The following ZNF407 variants were observed in gnomAD, a reference collection of about 807,000 sequenced individuals.
ZNF407 encodes the protein zinc finger protein 407.
ZNF407 carries 17 observed loss-of-function variants against 131.2 expected under a neutral mutation model. That is an observed-to-expected ratio of 0.13 (90% CI 0.09 to 0.19). The LOEUF (loss-of-function observed/expected upper bound fraction) is 0.19, where lower values mean the gene tolerates loss of function less well. ZNF407 is among the 10% of genes least tolerant of loss of function. The pLI is 1.00. For missense variants in ZNF407, 2,681 were observed against 2,830.6 expected (o/e 0.95, Z 1.20); for synonymous variants, 1,156 against 1,062.0 (o/e 1.09, Z -1.72).
chr18:75,003,622 A>G (rs1972873059), intron 8 of ZNF407, among the ~76,000 whole-genome samples: 1 of 152,246 alleles, frequency 6.6e-6, no homozygotes, highest in Admixed American at 6.5e-5. Flanking sequence ...CCAGGAAAAC[A>G]AACTTTTACG....
intron 3 of ZNF407, among the ~76,000 whole-genome samples, chr18:74,717,505 C>A (rs886992300): frequency 1.3e-5 from 2 of 152,226 alleles, no homozygotes; most frequent in Admixed American, 6.5e-5. Flanking sequence ...GTATACAGAT[C>A]TAAAAACAAT....
At chr18:74,888,430 T>G (rs1234169768) in intron 6 of ZNF407, among the ~76,000 whole-genome samples, 1 of 152,154 alleles carries the variant, frequency 6.6e-6, no homozygotes, top group East Asian at 1.9e-4. Flanking sequence ...ATCAAATCAA[T>G]GTAACATTAT....
chr18:75,037,947 A>T (rs1212401169), intron 8 of ZNF407, among the ~76,000 whole-genome samples: 1 of 152,194 alleles, frequency 6.6e-6, no homozygotes, highest in African/African-American at 2.4e-5. Context: ...GTTTTAGTTA[A>T]TTACACTAGA....
intron 3 of ZNF407, among the ~76,000 whole-genome samples, chr18:74,675,676 C>T (rs1424034472): frequency 6.6e-6 from 1 of 152,184 alleles, no homozygotes; most frequent in Non-Finnish European, 1.5e-5. Flanking sequence ...ACGCTGTTAG[C>T]TTTGAAGTTA....
intron 8 of ZNF407, among the ~76,000 whole-genome samples, chr18:74,949,509 A>T (rs919266602): frequency 1.3e-5 from 2 of 152,166 alleles, no homozygotes; most frequent in African/African-American, 2.4e-5. Flanking sequence ...CGTCTTTGAG[A>T]TTATGAGGAA....
chr18:74,830,707 A>T (rs901472128), intron 4 of ZNF407, among the ~76,000 whole-genome samples: 2 of 152,218 alleles, frequency 1.3e-5, no homozygotes, highest in Non-Finnish European at 2.9e-5. Flanking sequence ...ATGTATGGTG[A>T]TCAGATCAGT....
intron 8 of ZNF407, among the ~76,000 whole-genome samples, chr18:75,037,498 G>A (rs375686205): frequency 1.8e-4 from 27 of 151,888 alleles, no homozygotes; most frequent in East Asian, 5.8e-4. Context: ...GCTGTGCTGC[G>A]GTCTTGTCTC....
At chr18:75,019,829 A>T (rs1334208604) in intron 8 of ZNF407, among the ~76,000 whole-genome samples, 1 of 151,828 alleles carries the variant, frequency 6.6e-6, no homozygotes, top group Non-Finnish European at 1.5e-5. Flanking sequence ...TGGTGGCAGG[A>T]GAGAGAGAGA....
intron 8 of ZNF407, among the ~76,000 whole-genome samples, chr18:74,952,825 C>T (rs1972230961): frequency 6.6e-6 from 1 of 152,042 alleles, no homozygotes; most frequent in Admixed American, 6.6e-5. Context: ...GAGGAAATGG[C>T]AGATATCTGA....
At position 74,631,275 on chromosome 18, in the gene ZNF407, T is replaced by C. The variant is rs1281626800; in HGVS notation, c.256T>C (p.Ser86Pro). The stretch of plus-strand genomic sequence containing the variant: ...ATTAGATGAGGCAGAGCCCCTTAAA[T>C]CTGGAAAGCAAGGTATTTGTAGATT... ...RKLDEAEPLK[S>P]GKQGICRLET... Residue 86 changes from serine (S) to proline (P), a missense_variant, in exon 2 of 9, where the codon TCT (serine) becomes CCT (proline). Physicochemically the swap from Ser to Pro is moderately conservative, Grantham distance 74 (BLOSUM62 -1). Around this residue, in one of 6 missense-constraint regions of ZNF407, gnomAD observed 1,789 missense variants for 1,748.7 expected, o/e 1.02. Transcript: ENST00000299687. 1 of 1,613,944 alleles carries C rather than the reference T, an allele frequency of 6.2e-7. No homozygotes were observed. The highest frequency in any genetic ancestry group is 8.5e-7 in the Non-Finnish European group (1 of 1,179,900).
At chr18:74,671,134 G>A (rs1024132346) in intron 3 of ZNF407, among the ~76,000 whole-genome samples, 3 of 152,172 alleles carry the variant, frequency 2.0e-5, no homozygotes, top group African/African-American at 7.2e-5. Flanking sequence ...GGCAGTCACT[G>A]TTCTCTATTT....
chr18:74,836,300 C>T (rs1442670638), intron 4 of ZNF407, among the ~76,000 whole-genome samples: 1 of 152,168 alleles, frequency 6.6e-6, no homozygotes, highest in South Asian at 2.1e-4. Context: ...CTCCGTGGAG[C>T]ACTTATAACA....
intron 4 of ZNF407, among the ~76,000 whole-genome samples, chr18:74,786,525 G>C (rs184214328): frequency 2.6e-5 from 4 of 151,106 alleles, no homozygotes; most frequent in Middle Eastern, 3.4e-3. Context: ...GTGTTTATGG[G>C]CTTCTCTCCA....
rs149752026 is a variant in ZNF407 at position 74,669,071 on chromosome 18, G to C, written c.4802+27949G>C. Among the ~76,000 whole-genome samples the C allele has an allele frequency of 3.5e-4, 53 of 152,256 alleles. No individual in the cohort carries two copies. In the East Asian group the frequency reaches 7.7e-3, roughly 22 times the overall value. On this transcript the variant is annotated intron_variant, in intron 3 of 8. Transcript: ENST00000299687. ...GGAGCCCCGTCATCACTGTCTCTCT[G>C]TTGTCTTTCCTACTTCCTGAACCCT...
intron 3 of ZNF407, among the ~76,000 whole-genome samples, chr18:74,731,682 T>G (rs1044520536): frequency 6.6e-6 from 1 of 152,172 alleles, no homozygotes; most frequent in Non-Finnish European, 1.5e-5. Context: ...CAGCCTTTAT[T>G]CCAAATGGTC....
chr18:74,610,261 CAG>C (rs1410589836), intron 1 of ZNF407, among the ~76,000 whole-genome samples: 1 of 152,208 alleles, frequency 6.6e-6, no homozygotes, highest in Non-Finnish European at 1.5e-5. Context: ...TGTAATCTAA[CAG>C]TATTCAAGTA....
intron 2 of ZNF407, among the ~76,000 whole-genome samples, chr18:74,639,643 ATCTACT>A (rs1329709751): frequency 6.6e-6 from 1 of 152,228 alleles, no homozygotes; most frequent in Non-Finnish European, 1.5e-5. Flanking sequence ...TATATTTTAC[ATCTACT>A]TCTAACAGCA....
chr18:74,746,457 A>G (rs1262697425), intron 3 of ZNF407, among the ~76,000 whole-genome samples: 1 of 152,032 alleles, frequency 6.6e-6, no homozygotes. Context: ...TTTTGATAAC[A>G]TTTTGCTTAA....
intron 8 of ZNF407, among the ~76,000 whole-genome samples, chr18:74,974,115 G>T (rs146823980): frequency 2.4e-4 from 36 of 152,212 alleles, no homozygotes; most frequent in African/African-American, 8.4e-4. Context: ...AATATGAAAG[G>T]AATTTGTAAG....
Sources: allele counts gnomAD v4.1 joint callset (sites outside exome capture counted in the v4.1 genomes callset), GRCh38; gene constraint gnomAD v4.1.1; regional missense constraint gnomAD v4.1.1; transcripts MANE v1.5; gene names NCBI Gene and HGNC (gene_info 2026-07-23, HGNC 2026-07-21).